Variants in TMIE observed in about 807,000 individuals in gnomAD.
TMIE encodes transmembrane inner ear.
In TMIE, 14 loss-of-function variants were observed where a neutral mutation model predicts 16.8. That is an observed-to-expected ratio of 0.83 (90% CI 0.55 to 1.30). TMIE has a LOEUF of 1.30. TMIE is among the 50% of genes most tolerant of loss of function. The pLI is 0.00. For synonymous variants in TMIE, 75 were observed against 87.2 expected (o/e 0.86, Z 0.78); for missense variants, 204 against 205.9 (o/e 0.99, Z 0.06).
At position 46,704,263 on chromosome 3, in the gene TMIE, C is replaced by CCCCTAGACACCCAGGGCAGGACCATGT. The variant is rs1369315913; in HGVS notation, c.94-1478_94-1452dup. Among the ~76,000 whole-genome samples the CCCCTAGACACCCAGGGCAGGACCATGT allele has an allele frequency of 2.4e-3, 342 of 142,134 alleles. 5 individuals carry two copies. The highest frequency in any genetic ancestry group is 4.5e-3 in the Middle Eastern group (1 of 224). The allele number at this position is 142,134 out of a possible 152,430, so 93.2% of individuals were successfully genotyped here. ...CCTAGACACCCAGGGTGGACCATGT[C>CCCCTAGACACCCAGGGCAGGACCATGT]CCCTAGACACCCAGGGCAGGACCAT... On this transcript the variant is annotated intron_variant, in intron 1 of 3. Coordinates refer to ENST00000643606, the MANE Select transcript of TMIE (RefSeq NM_147196.3).
intron 1 of TMIE, among the ~76,000 whole-genome samples, chr3:46,703,751 C>T (rs1187668988): frequency 6.6e-6 from 1 of 152,136 alleles, no homozygotes; most frequent in Non-Finnish European, 1.5e-5. Context: ...CTGCAACCCA[C>T]GCTGAAGGGT....
chr3:46,704,098 T>C (rs934154172), intron 1 of TMIE, among the ~76,000 whole-genome samples: 3 of 152,130 alleles, frequency 2.0e-5, no homozygotes, highest in African/African-American at 4.8e-5. Context: ...GGCAGGACTG[T>C]GTCCCCTAGA....
At chr3:46,704,863 T>G (rs933564236) in intron 1 of TMIE, among the ~76,000 whole-genome samples, 2 of 151,682 alleles carry the variant, frequency 1.3e-5, no homozygotes, top group African/African-American at 4.8e-5. Flanking sequence ...GTGGACCATG[T>G]CCCCTAGACA....
chr3:46,701,331 C>T (rs1440493528), upstream of TMIE: 10 of 539,252 alleles, frequency 1.9e-5, no homozygotes, highest in Admixed American at 4.4e-5. This position sits in a 1 kb window ranked among gnomAD's most constrained non-coding sequence, Gnocchi z 4.3. Flanking sequence ...ATGGCGGGGG[C>T]GGGCGGCGCG....
chr3:46,702,443 C>T (rs1202042262), intron 1 of TMIE, among the ~76,000 whole-genome samples: 4 of 152,054 alleles, frequency 2.6e-5, no homozygotes, highest in Admixed American at 6.5e-5. Context: ...CCCACTCCTG[C>T]GGAGCCTGAA....
At chr3:46,708,279 C>A (rs1316976386) in intron 2 of TMIE, among the ~76,000 whole-genome samples, 1 of 152,214 alleles carries the variant, frequency 6.6e-6, no homozygotes, top group Non-Finnish European at 1.5e-5. Context: ...CCATCTTCCC[C>A]AAAATAGACC....
intron 1 of TMIE, among the ~76,000 whole-genome samples, chr3:46,695,821 G>A (rs887516571): frequency 1.3e-5 from 2 of 152,198 alleles, no homozygotes; most frequent in African/African-American, 4.8e-5. Flanking sequence ...GAATAGAAAG[G>A]CTGACTGAGC....
upstream of TMIE, chr3:46,701,337 G>A: frequency 1.7e-6 from 1 of 575,006 alleles, no homozygotes; most frequent in South Asian, 2.6e-5. This position sits in a 1 kb window ranked among gnomAD's most constrained non-coding sequence, Gnocchi z 4.3. Context: ...GGGGCGGGCG[G>A]CGCGGGAACC....
chr3:46,705,144 C>A (rs954400817), intron 1 of TMIE, among the ~76,000 whole-genome samples: 4 of 152,174 alleles, frequency 2.6e-5, no homozygotes, highest in African/African-American at 9.7e-5. Context: ...TCTGGCTGTG[C>A]TCTATTCAGG....
At chr3:46,696,915 G>A (rs1470025288), upstream of TMIE, among the ~76,000 whole-genome samples, 1 of 152,140 alleles carries the variant, frequency 6.6e-6, no homozygotes, top group African/African-American at 2.4e-5. Context: ...GATATGATGG[G>A]CCCAACTGAT....
At chr3:46,706,994 C>T (rs567964552) in intron 2 of TMIE, among the ~76,000 whole-genome samples, 1 of 152,364 alleles carries the variant, frequency 6.6e-6, no homozygotes, top group East Asian at 1.9e-4. Flanking sequence ...CTTCTCCTGG[C>T]ACCAGAAGTG....
At chr3:46,695,764 C>T (rs1005408258) in intron 1 of TMIE, among the ~76,000 whole-genome samples, 5 of 152,298 alleles carry the variant, frequency 3.3e-5, no homozygotes, top group Non-Finnish European at 5.9e-5. Context: ...AGGGCTCCCA[C>T]GGCTTCCTCC....
chr3:46,700,579 C>T (rs1289110367), upstream of TMIE, among the ~76,000 whole-genome samples: 2 of 152,188 alleles, frequency 1.3e-5, no homozygotes, highest in Admixed American at 1.3e-4. Context: ...AGTCTACCAA[C>T]TCCAGGCCTC....
chr3:46,694,845 T>C (rs1700365463), intron 1 of TMIE, among the ~76,000 whole-genome samples: 2 of 151,962 alleles, frequency 1.3e-5, no homozygotes, highest in Non-Finnish European at 2.9e-5. Flanking sequence ...TCTCCATCCC[T>C]CCCCACATTG....
At chr3:46,700,493 C>T (rs1330112255), upstream of TMIE, among the ~76,000 whole-genome samples, 4 of 152,122 alleles carry the variant, frequency 2.6e-5, no homozygotes, top group Non-Finnish European at 5.9e-5. Flanking sequence ...GGGCCCAACA[C>T]CTGGGCTGCT....
intron 2 of TMIE, among the ~76,000 whole-genome samples, chr3:46,706,319 C>G (rs771012713): frequency 1.3e-5 from 2 of 152,196 alleles, no homozygotes; most frequent in Non-Finnish European, 2.9e-5. Context: ...GCAGATGTGG[C>G]TCCCAGGCTT....
chr3:46,703,900 G>C (rs146010351), intron 1 of TMIE, among the ~76,000 whole-genome samples: 45 of 152,262 alleles, frequency 3.0e-4, no homozygotes, highest in African/African-American at 1.0e-3. Flanking sequence ...TCTCGTGTCT[G>C]TCCTTATTTA....
In TMIE at chr3:46,705,992, TC is replaced by T. The variant is rs1385580036; in HGVS notation, c.211+87del. On this transcript the variant is annotated intron_variant, in intron 2 of 3. Coordinates refer to ENST00000643606, the MANE Select transcript of TMIE (RefSeq NM_147196.3). ...CCCCCAGAGGGCTCAGAGCAGCAAT[TC>T]CGGGCAGTGCAAGTAGGCCAGGCAC... 11 of 1,429,436 alleles carry T rather than the reference TC, an allele frequency of 7.7e-6. No homozygotes were observed. In the East Asian group the frequency reaches 2.5e-4, roughly 33 times the overall value. 88.5% of individuals were successfully genotyped at this position (1,429,436 alleles called of 1,614,324 possible). A position where few individuals can be genotyped will look rare whatever the true frequency, so the allele number is the denominator to read the frequency against.
At chr3:46,709,067 G>A in intron 2 of TMIE, 59 bp from the exon 3 acceptor site, 1 of 1,605,272 alleles carries the variant, frequency 6.2e-7, no homozygotes, top group Non-Finnish European at 8.5e-7. Context: ...GAAGGCGGAT[G>A]CCATTCCTTG....
Sources: gnomAD v4.1 joint callset for allele counts (sites outside exome capture counted in the v4.1 genomes callset) on GRCh38, gnomAD v4.1.1 for gene constraint, Gnocchi (gnomAD v3.1) non-coding constraint, MANE v1.5 for transcripts, NCBI Gene and HGNC (gene_info 2026-07-23, HGNC 2026-07-21) for gene names.